Variants in ZFP82 observed in about 807,000 individuals in gnomAD.
ZFP82 encodes zinc finger protein 82 homolog.
Under a neutral mutation model 54.0 loss-of-function variants are expected in ZFP82, and 30 were observed. That is an observed-to-expected ratio of 0.56 (90% CI 0.42 to 0.75). The LOEUF is 0.75. Among genes scored for constraint, ZFP82 ranks in the 30% least tolerant of loss-of-function variants. The probability of loss-of-function intolerance (pLI) is 0.00; values close to 1 mark genes in which losing one functional copy is unlikely to be tolerated. For synonymous variants in ZFP82, 194 were observed against 209.5 expected (o/e 0.93, Z 0.64); for missense variants, 500 against 636.8 (o/e 0.79, Z 2.31).
chr19:36,411,913 T>C (rs2032587804), intron 1 of ZFP82, among the ~76,000 whole-genome samples: 1 of 147,056 alleles, frequency 6.8e-6, no homozygotes. Flanking sequence ...AAAGCATCCA[T>C]AGAGTAAAAC....
At chr19:36,416,546 CG>C (rs992851042) in intron 1 of ZFP82, among the ~76,000 whole-genome samples, 1 of 151,596 alleles carries the variant, frequency 6.6e-6, no homozygotes, top group African/African-American at 2.4e-5. Context: ...CACCTGAGGT[CG>C]GGAGTTCAAG....
chr19:36,392,827 G>C lies in ZFP82; in HGVS notation c.1513C>G (p.Pro505Ala). ...QHLRIHSGEK[P>A]YECKECKKAF... The stretch of plus-strand genomic sequence containing the variant: ...TTCTTACATTCCTTACATTCATAGG[G>C]TTTCTCACCAGAATGAATTCTCAGA... Residue 505 changes from proline (P) to alanine (A), a missense_variant, in exon 5 of 5, where the codon CCC (proline) becomes GCC (alanine). Pro to Ala is a conservative substitution (Grantham distance 27). Transcript: ENST00000392161. 3 of 1,613,672 alleles carry C rather than the reference G, an allele frequency of 1.9e-6. No homozygotes were observed. Among genetic ancestry groups the C allele is most frequent in the Non-Finnish European group, 2.5e-6 (3 of 1,179,726 alleles).
Position 36,392,550 on chromosome 19 carries a change from TA to T in ZFP82, c.*190del, listed in dbSNP as rs1262506459. The T allele has an allele frequency of 3.7e-6, 2 of 536,900 alleles. No homozygotes were observed. The highest frequency in any genetic ancestry group is 6.1e-5 in the East Asian group (2 of 32,980). The allele number at this position is 536,900 out of a possible 1,614,324, so 33.3% of individuals were successfully genotyped here. A position where few individuals can be genotyped will look rare whatever the true frequency, so the allele number is the denominator to read the frequency against. On this transcript the variant is annotated 3_prime_UTR_variant, in exon 5 of 5. Coordinates refer to ENST00000392161, the MANE Select transcript of ZFP82 (RefSeq NM_133466.4). Reference sequence around the variant, plus strand: ...TGACGGTAAATGTCTTTTTCATTCTTATAACAGGATTAGTTTTTAGAACAAA... The same window carrying T: ...TGACGGTAAATGTCTTTTTCATTCTTTAACAGGATTAGTTTTTAGAACAAA...
chr19:36,405,091 G>A (rs536244064), intron 4 of ZFP82, among the ~76,000 whole-genome samples: 2 of 151,482 alleles, frequency 1.3e-5, no homozygotes, highest in African/African-American at 2.4e-5. Context: ...GGCTGAGGCA[G>A]GAGAATTGCC....
downstream of ZFP82, among the ~76,000 whole-genome samples, chr19:36,386,754 T>C (rs865941081): frequency 6.6e-6 from 1 of 152,182 alleles, no homozygotes; most frequent in Non-Finnish European, 1.5e-5. Flanking sequence ...CTGGCCAACA[T>C]GGTGAAACCC....
At chr19:36,415,677 C>T (rs374734134) in intron 1 of ZFP82, among the ~76,000 whole-genome samples, 69 of 152,228 alleles carry the variant, frequency 4.5e-4, no homozygotes, top group African/African-American at 1.5e-3. Flanking sequence ...TGAGCCACTG[C>T]GCCCAGCCAA....
At chr19:36,405,762 A>G in intron 3 of ZFP82, 90 bp from the exon 4 acceptor site, 1 of 831,172 alleles carries the variant, frequency 1.2e-6, no homozygotes, top group Non-Finnish European at 1.8e-6. Flanking sequence ...TATATGTCAA[A>G]ACAGTAATTA....
chr19:36,394,166 C>A (rs1352080383), intron 4 of ZFP82, 56 bp from the exon 5 acceptor site: 6 of 1,399,228 alleles, frequency 4.3e-6, no homozygotes, highest in Non-Finnish European at 4.9e-6. Context: ...AAAGAAGCAA[C>A]ATTTCTAATG....
chr19:36,403,957 C>A (rs905745085), intron 4 of ZFP82, among the ~76,000 whole-genome samples: 2 of 152,170 alleles, frequency 1.3e-5, no homozygotes, highest in Non-Finnish European at 2.9e-5. Context: ...TCTCTGACAA[C>A]TAAAAGAGTC....
chr19:36,405,139 G>A (rs111519305), intron 4 of ZFP82, among the ~76,000 whole-genome samples: 5,752 of 146,606 alleles, frequency 0.039, 348 homozygotes, highest in African/African-American at 0.14. Context: ...AGCCGAGATT[G>A]TGCCATTGCA....
intron 3 of ZFP82, 76 bp downstream of exon 3, chr19:36,407,811 T>C: frequency 6.7e-7 from 1 of 1,501,526 alleles, no homozygotes. Flanking sequence ...TCCTAAAAGA[T>C]ACTCTTGAAA....
intron 1 of ZFP82, among the ~76,000 whole-genome samples, chr19:36,416,403 T>C (rs1427712829): frequency 6.6e-6 from 1 of 152,188 alleles, no homozygotes; most frequent in Non-Finnish European, 1.5e-5. Context: ...ACGTACAATT[T>C]CAAAGAGTAT....
At chr19:36,396,746 TAGG>T (rs2032301664) in intron 4 of ZFP82, among the ~76,000 whole-genome samples, 1 of 151,350 alleles carries the variant, frequency 6.6e-6, no homozygotes, top group Non-Finnish European at 1.5e-5. Context: ...GAGACTAAGG[TAGG>T]AGAAGTGCTT....
rs1015801213 is a variant in ZFP82 at position 36,398,402 on chromosome 19, T to C, written c.230-4292A>G. On this transcript the variant is annotated intron_variant, in intron 4 of 4. Transcript: ENST00000392161. ...AAATACAAAAGTTAGCGGGGTGTGG[T>C]GGCACATGCTTGTAGTCCCAGCTAC... Among the ~76,000 whole-genome samples, 13 of 152,130 alleles carry C rather than the reference T, an allele frequency of 8.5e-5. No homozygotes were observed. The East Asian group carries it at 2.5e-3, about 29-fold the overall frequency.
At chr19:36,400,696 A>G (rs1043344028) in intron 4 of ZFP82, among the ~76,000 whole-genome samples, 16 of 152,194 alleles carry the variant, frequency 1.1e-4, no homozygotes, top group Non-Finnish European at 2.2e-4. Flanking sequence ...TCTCTACTGC[A>G]CTGATTTCCT....
rs1490617455 is a variant in ZFP82, at chr19:36,409,842, G to A, written c.-53C>T. The A allele has an allele frequency of 1.9e-6, 3 of 1,605,060 alleles. No individual in the cohort carries two copies. ...CCTCCTTGGGGTTTACTTGCCAGGA[G>A]AAGCACCGAGTCCACAGAGGCTGAT... On this transcript the variant is annotated 5_prime_UTR_variant, in exon 2 of 5. Transcript: ENST00000392161.
chr19:36,403,568 CA>C (rs1177188322), intron 4 of ZFP82, among the ~76,000 whole-genome samples: 2 of 130,304 alleles, frequency 1.5e-5, no homozygotes, highest in East Asian at 4.7e-4. Flanking sequence ...TGCAGTGAGC[CA>C]AGATCACGCC....
rs996216955 is a variant in ZFP82 at position 36,407,959 on chromosome 19, ATTCCCACTC to A, written c.55_63del (p.Glu19_Glu21del). The A allele has an allele frequency of 1.2e-6, 2 of 1,614,152 alleles. No individual in the cohort carries two copies. Among genetic ancestry groups the A allele is most frequent in the Non-Finnish European group, 1.7e-6 (2 of 1,179,976 alleles). The stretch of plus-strand genomic sequence containing the variant: ...AAGTCCTTTTGTTCCAAGTCCAGGT[ATTCCCACTC>A]TTCTGGAGAGAAGTCTATGGATACA... On this transcript the variant is annotated inframe_deletion, in exon 3 of 5. Transcript: ENST00000392161.
intron 4 of ZFP82, among the ~76,000 whole-genome samples, chr19:36,400,336 G>A (rs1335881436): frequency 6.6e-6 from 1 of 152,112 alleles, no homozygotes; most frequent in East Asian, 1.9e-4. Flanking sequence ...AAGAAGTTCT[G>A]GGATATAGAA....
Sources: gnomAD v4.1 joint callset for allele counts (sites outside exome capture counted in the v4.1 genomes callset) on GRCh38, gnomAD v4.1.1 for gene constraint, MANE v1.5 for transcripts, NCBI Gene and HGNC (gene_info 2026-07-23, HGNC 2026-07-21) for gene names.